The following CCDC85A variants were observed in gnomAD, a reference collection of about 807,000 sequenced individuals.
The protein encoded by CCDC85A is coiled-coil domain containing 85A.
Under a neutral mutation model 50.2 loss-of-function variants are expected in CCDC85A, and 38 were observed. The observed-to-expected ratio is 0.76, with a 90% CI of 0.58 to 0.99. The LOEUF (loss-of-function observed/expected upper bound fraction) is 0.99, where lower values mean the gene tolerates loss of function less well. Among genes scored for constraint, CCDC85A ranks in the 50% least tolerant of loss-of-function variants. The pLI, the probability that CCDC85A is intolerant of heterozygous loss-of-function variation, is 0.00. For missense variants in CCDC85A, 820 were observed against 742.0 expected, an observed-to-expected ratio of 1.11 and a Z score of -1.22; for synonymous variants, 366 against 301.4, an observed-to-expected ratio of 1.21 and a Z score of -2.22.
At chr2:56,237,398 G>A (rs907205278) in intron 2 of CCDC85A, among the ~76,000 whole-genome samples, 2 of 152,140 alleles carry the variant, frequency 1.3e-5, no homozygotes, top group Non-Finnish European at 2.9e-5. Context: ...CTGTCTTGAT[G>A]TTGCTTTCAC....
intron 3 of CCDC85A, among the ~76,000 whole-genome samples, chr2:56,348,383 T>C (rs1029490109): frequency 5.7e-4 from 87 of 152,170 alleles, no homozygotes; most frequent in African/African-American, 2.1e-3. Context: ...CACATACCTG[T>C]TTGAAAGGCA....
chr2:56,237,419 A>G lies in CCDC85A; in HGVS notation c.1240+43979A>G, dbSNP rs185134186. Among the ~76,000 whole-genome samples the G allele has an allele frequency of 4.6e-5, 7 of 152,356 alleles. No individual in the cohort carries two copies. In the East Asian group the frequency reaches 1.3e-3, roughly 29 times the overall value. On this transcript the variant is annotated intron_variant, in intron 2 of 5. Coordinates refer to ENST00000407595, the MANE Select transcript of CCDC85A (RefSeq NM_001080433.2). ...TGATGTTGCTTTCACATAACATCAT[A>G]GAGATTCAGAAGATTTATACATGAA...
At chr2:56,336,888 GA>G (rs1164826065) in intron 2 of CCDC85A, among the ~76,000 whole-genome samples, 4 of 150,358 alleles carry the variant, frequency 2.7e-5, no homozygotes, top group East Asian at 1.9e-4. Flanking sequence ...AGTCAGGGAG[GA>G]AAAAAAAAGA....
intron 2 of CCDC85A, among the ~76,000 whole-genome samples, chr2:56,298,158 A>G (rs1362597055): frequency 2.0e-5 from 3 of 152,174 alleles, no homozygotes; most frequent in Non-Finnish European, 4.4e-5. Context: ...GTTTGTGCCA[A>G]GGAGGTTTTT....
chr2:56,338,862 C>T (rs555234241), intron 2 of CCDC85A, among the ~76,000 whole-genome samples: 3 of 152,108 alleles, frequency 2.0e-5, no homozygotes, highest in African/African-American at 4.8e-5. Flanking sequence ...TTCTACTCCA[C>T]TCCCATTAAA....
chr2:56,369,467 C>T (rs554293291), intron 3 of CCDC85A, among the ~76,000 whole-genome samples: 254 of 152,144 alleles, frequency 1.7e-3, no homozygotes, highest in Middle Eastern at 0.014. Context: ...AATCTGACCC[C>T]GAAAGTCCTG....
intron 2 of CCDC85A, among the ~76,000 whole-genome samples, chr2:56,198,427 T>A (rs1027586489): frequency 2.6e-5 from 4 of 152,206 alleles, no homozygotes; most frequent in African/African-American, 9.7e-5. Flanking sequence ...ATAATAATGG[T>A]TTTTGTTCTT....
rs1419855628 is a variant in CCDC85A, at chr2:56,192,419, G to A, written c.277-58G>A. The A allele has an allele frequency of 1.3e-6, 2 of 1,536,878 alleles. No homozygotes were observed. The highest frequency in any genetic ancestry group is 1.4e-5 in the African/African-American group (1 of 72,360). On this transcript the variant is annotated intron_variant, in intron 1 of 5. Coordinates refer to ENST00000407595, the MANE Select transcript of CCDC85A (RefSeq NM_001080433.2). This position sits in a 1 kb window ranked among gnomAD's most constrained non-coding sequence, Gnocchi z 4.7. Reference sequence around the variant, plus strand: ...CAGGCTCTCCCTTTCCAGGAAGTCTGAGCCTGCTGACACCTCAGATGTGTA... The same window carrying A: ...CAGGCTCTCCCTTTCCAGGAAGTCTAAGCCTGCTGACACCTCAGATGTGTA...
chr2:56,291,659 A>G (rs1671711069), intron 2 of CCDC85A, among the ~76,000 whole-genome samples: 1 of 152,168 alleles, frequency 6.6e-6, no homozygotes, highest in Admixed American at 6.5e-5. Flanking sequence ...ATGTGTTGGG[A>G]ACTTTGTAGA....
At chr2:56,381,063 A>AT (rs1368289585) in intron 5 of CCDC85A, among the ~76,000 whole-genome samples, 1 of 152,020 alleles carries the variant, frequency 6.6e-6, no homozygotes, top group Admixed American at 6.6e-5. Flanking sequence ...TCCCCTGGGC[A>AT]TTTTTTATGT....
At chr2:56,350,524 T>C (rs1403155573) in intron 3 of CCDC85A, among the ~76,000 whole-genome samples, 1 of 152,180 alleles carries the variant, frequency 6.6e-6, no homozygotes, top group Admixed American at 6.5e-5. Context: ...TAGTGTTAGA[T>C]TTTGGAATAT....
chr2:56,327,414 G>A (rs1039441719), intron 2 of CCDC85A, among the ~76,000 whole-genome samples: 3 of 152,052 alleles, frequency 2.0e-5, no homozygotes, highest in Non-Finnish European at 4.4e-5. Flanking sequence ...CCTTCCTGTG[G>A]TGAGTATGCA....
At chr2:56,367,511 T>C (rs1419581596) in intron 3 of CCDC85A, among the ~76,000 whole-genome samples, 1 of 152,186 alleles carries the variant, frequency 6.6e-6, no homozygotes, top group Non-Finnish European at 1.5e-5. Flanking sequence ...TCAGGGTTTC[T>C]CAACTTCAGC....
rs536173255 is a variant in CCDC85A, at chr2:56,373,938, A to T, written c.1452+1460A>T. Among the ~76,000 whole-genome samples, 24 of 152,330 alleles carry T rather than the reference A, an allele frequency of 1.6e-4. No individual in the cohort carries two copies. The South Asian group carries it at 3.7e-3, about 24-fold the overall frequency. ...AGGATCCAAAGTATAGAGGAAGAAG[A>T]TGTCCAAAATATGAGGGTGGGTGAA... On this transcript the variant is annotated intron_variant, in intron 4 of 5. Coordinates refer to ENST00000407595, the MANE Select transcript of CCDC85A (RefSeq NM_001080433.2).
chr2:56,365,456 T>C (rs758792752), intron 3 of CCDC85A, among the ~76,000 whole-genome samples: 32 of 152,140 alleles, frequency 2.1e-4, no homozygotes, highest in Non-Finnish European at 3.5e-4. Context: ...GCTGCTGAGC[T>C]ATTCCAACCA....
chr2:56,331,382 A>G (rs931867895), intron 2 of CCDC85A, among the ~76,000 whole-genome samples: 2 of 152,320 alleles, frequency 1.3e-5, no homozygotes, highest in South Asian at 4.1e-4. Context: ...CTGCACATGT[A>G]TCCCAGAATT....
At position 56,384,380 on chromosome 2, in the gene CCDC85A, A is replaced by T; in HGVS notation, c.*25A>T. 3 of 1,575,400 alleles carry T rather than the reference A, an allele frequency of 1.9e-6. No individual in the cohort carries two copies. Among genetic ancestry groups the T allele is most frequent in the East Asian group, 4.5e-5 (2 of 44,548 alleles). On this transcript the variant is annotated 3_prime_UTR_variant, in exon 6 of 6. Coordinates refer to ENST00000407595, the MANE Select transcript of CCDC85A (RefSeq NM_001080433.2). Reference sequence around the variant, plus strand: ...AGATGCACTCTTTTTCAAACAGGAGATCACCACTGCCAGAAAGTGATAGAA... The same window carrying T: ...AGATGCACTCTTTTTCAAACAGGAGTTCACCACTGCCAGAAAGTGATAGAA...
intron 2 of CCDC85A, among the ~76,000 whole-genome samples, chr2:56,263,870 C>T (rs1274938782): frequency 6.6e-6 from 1 of 152,226 alleles, no homozygotes; most frequent in South Asian, 2.1e-4. Context: ...CCTTGGCCTT[C>T]TTCCTTGTTC....
chr2:56,193,537 CGCTA>C, intron 2 of CCDC85A, 97 bp downstream of exon 2: 1 of 1,355,894 alleles, frequency 7.4e-7, no homozygotes. Context: ...AAAGTGCAGG[CGCTA>C]GCTAGGGAGT....
Sources: gnomAD v4.1 joint callset for allele counts (sites outside exome capture counted in the v4.1 genomes callset) on GRCh38, gnomAD v4.1.1 for gene constraint, Gnocchi (gnomAD v3.1) non-coding constraint, MANE v1.5 for transcripts, NCBI Gene and HGNC (gene_info 2026-07-23, HGNC 2026-07-21) for gene names.